Variants in ARHGAP26 observed in about 807,000 individuals in gnomAD.
ARHGAP26 encodes the protein rho GTPase-activating protein 26.
In ARHGAP26, 38 loss-of-function variants were observed where a neutral mutation model predicts 104.8. The ratio of observed to expected loss-of-function variants is 0.36; its 90% CI spans 0.28 to 0.48. The LOEUF (loss-of-function observed/expected upper bound fraction) is 0.48. Among genes scored for constraint, ARHGAP26 ranks in the 20% least tolerant of loss-of-function variants. The pLI is 0.99. For missense variants in ARHGAP26, 704 were observed against 947.9 expected, an observed-to-expected ratio of 0.74 and a Z score of 3.38; for synonymous variants, 341 against 340.0, an observed-to-expected ratio of 1.00 and a Z score of -0.03.
chr5:143,206,283 C>G (rs1808534891), intron 20 of ARHGAP26, among the ~76,000 whole-genome samples: 3 of 152,206 alleles, frequency 2.0e-5, no homozygotes, highest in Non-Finnish European at 4.4e-5. Flanking sequence ...TTCTCTCTGT[C>G]ATTGGTGTTT....
intron 4 of ARHGAP26, among the ~76,000 whole-genome samples, chr5:142,881,646 G>T (rs2152391867): frequency 6.6e-6 from 1 of 152,182 alleles, no homozygotes; most frequent in African/African-American, 2.4e-5. Flanking sequence ...CTCCTGGCAT[G>T]TCCTCCTTTG....
At chr5:143,085,173 C>G (rs1790396642) in intron 17 of ARHGAP26, among the ~76,000 whole-genome samples, 1 of 151,868 alleles carries the variant, frequency 6.6e-6, no homozygotes, top group Admixed American at 6.6e-5. Flanking sequence ...TTCTTCCTCT[C>G]TGTTAGAGGA....
At position 142,934,507 on chromosome 5, in the gene ARHGAP26, T is replaced by G. The variant is rs74413307; in HGVS notation, c.1107+2382T>G. On this transcript the variant is annotated intron_variant, in intron 11 of 22. Transcript: ENST00000645722. ...GACAGTAATACTAGGCTTAATTTTG[T>G]CTCCCATTGCTGAAAGCCTCTAGGG... is the stretch of plus-strand genomic sequence containing the variant. Among the ~76,000 whole-genome samples, 458 of 152,328 alleles carry G rather than the reference T, an allele frequency of 3.0e-3. 3 individuals are homozygous for G. Among genetic ancestry groups the G allele is most frequent in the Middle Eastern group, 0.01 (3 of 294 alleles).
chr5:142,854,353 A>G (rs1404465126), intron 1 of ARHGAP26, among the ~76,000 whole-genome samples: 1 of 152,100 alleles, frequency 6.6e-6, no homozygotes, highest in East Asian at 1.9e-4. Flanking sequence ...GCAGTTTTAC[A>G]TTCTTGCCAC....
chr5:143,041,677 A>G lies in ARHGAP26; in HGVS notation c.1211-139A>G. Reference sequence around the variant, plus strand: ...CGTTTGCTAAGAGCTGAGCTGAGTGACAGGGGACTTTAATTAGAGCAGCTT... The same window carrying G: ...CGTTTGCTAAGAGCTGAGCTGAGTGGCAGGGGACTTTAATTAGAGCAGCTT... On this transcript the variant is annotated intron_variant, in intron 13 of 22. Transcript: ENST00000645722. The G allele has an allele frequency of 4.6e-6, 3 of 650,862 alleles. No individual in the cohort carries two copies. The East Asian group carries it at 8.3e-5, about 18-fold the overall frequency. 40.3% of individuals were successfully genotyped at this position (650,862 alleles called of 1,614,324 possible). A position where few individuals can be genotyped will look rare whatever the true frequency, so the allele number is the denominator to read the frequency against.
chr5:143,154,379 C>A (rs995566943), intron 20 of ARHGAP26, among the ~76,000 whole-genome samples: 8 of 152,144 alleles, frequency 5.3e-5, no homozygotes, highest in Non-Finnish European at 1.2e-4. Flanking sequence ...GTGATCATAA[C>A]CTCCTCAAAT....
At chr5:142,969,022 C>A (rs773337112) in intron 11 of ARHGAP26, among the ~76,000 whole-genome samples, 17 of 152,270 alleles carry the variant, frequency 1.1e-4, no homozygotes, top group Non-Finnish European at 2.1e-4. Flanking sequence ...GCCTTGACCT[C>A]CCAGGCTCAA....
chr5:142,875,211 T>C, intron 3 of ARHGAP26, 40 bp downstream of exon 3: 1 of 1,599,236 alleles, frequency 6.3e-7, no homozygotes, highest in South Asian at 1.1e-5. Context: ...AGATAGTATA[T>C]TCGTGTTGAG....
intron 3 of ARHGAP26, among the ~76,000 whole-genome samples, chr5:142,878,536 T>A (rs1342113172): frequency 1.6e-5 from 2 of 124,990 alleles, no homozygotes; most frequent in African/African-American, 7.7e-5. Flanking sequence ...TGTGTGTGTG[T>A]GCACGCATGT....
At chr5:143,022,563 G>A (rs2152838485) in intron 12 of ARHGAP26, among the ~76,000 whole-genome samples, 1 of 152,312 alleles carries the variant, frequency 6.6e-6, no homozygotes, top group Middle Eastern at 3.4e-3. Context: ...TACAAAACAG[G>A]CAATGGTGAA....
intron 14 of ARHGAP26, among the ~76,000 whole-genome samples, chr5:143,051,726 C>T (rs980571588): frequency 6.6e-6 from 1 of 152,194 alleles, no homozygotes; most frequent in East Asian, 1.9e-4. Context: ...ATTTGACTCT[C>T]CTCTCTAATG....
At chr5:143,096,969 G>A (rs576681279) in intron 17 of ARHGAP26, among the ~76,000 whole-genome samples, 244 of 152,328 alleles carry the variant, frequency 1.6e-3, no homozygotes, top group African/African-American at 5.6e-3. Context: ...TCTGGGCCGG[G>A]TGCGGTGGCT....
At chr5:143,110,877 T>C (rs1453982027) in intron 17 of ARHGAP26, among the ~76,000 whole-genome samples, 1 of 152,228 alleles carries the variant, frequency 6.6e-6, no homozygotes, top group African/African-American at 2.4e-5. Flanking sequence ...AAGCCTAAAC[T>C]GTCCAGGATG....
At chr5:143,199,593 CCT>C (rs1270101679) in intron 20 of ARHGAP26, among the ~76,000 whole-genome samples, 2 of 152,130 alleles carry the variant, frequency 1.3e-5, no homozygotes, top group African/African-American at 4.8e-5. Context: ...AAAGCCGCCC[CCT>C]GTTAGTTTAA....
intron 11 of ARHGAP26, among the ~76,000 whole-genome samples, chr5:142,949,201 GAGAGAGAGAGAGA>G (rs1348358470): frequency 7.9e-4 from 12 of 15,222 alleles, no homozygotes; most frequent in Admixed American, 1.2e-3. Context: ...GAGAGAGAGA[GAGAGAGAGAGAGA>G]GAGAGAGGAG....
intron 11 of ARHGAP26, among the ~76,000 whole-genome samples, chr5:143,009,577 A>G (rs976264784): frequency 3.9e-5 from 6 of 152,240 alleles, no homozygotes; most frequent in Non-Finnish European, 8.8e-5. Flanking sequence ...GGGTTTTGTC[A>G]TCATCATCAT....
chr5:142,911,321 G>C (rs1761808043), intron 9 of ARHGAP26, among the ~76,000 whole-genome samples: 1 of 152,036 alleles, frequency 6.6e-6, no homozygotes, highest in Non-Finnish European at 1.5e-5. Flanking sequence ...CCCTCACTCT[G>C]GGCTTCTAGC....
At chr5:143,046,115 C>G (rs998084808) in intron 14 of ARHGAP26, among the ~76,000 whole-genome samples, 1 of 151,990 alleles carries the variant, frequency 6.6e-6, no homozygotes, top group African/African-American at 2.4e-5. Flanking sequence ...GCCTGGGCAA[C>G]AAGAACGAAA....
At chr5:142,794,994 G>A (rs1485269127) in intron 1 of ARHGAP26, among the ~76,000 whole-genome samples, 3 of 152,146 alleles carry the variant, frequency 2.0e-5, no homozygotes, top group African/African-American at 2.4e-5. Context: ...GGGCCAGTTA[G>A]TAAATTTTTT....
Sources: allele counts gnomAD v4.1 joint callset (sites outside exome capture counted in the v4.1 genomes callset), GRCh38; gene constraint gnomAD v4.1.1; transcripts MANE v1.5; gene names NCBI Gene and HGNC (gene_info 2026-07-23, HGNC 2026-07-21).